The following IL1RAPL1 variants were observed in gnomAD, a reference collection of about 807,000 sequenced individuals.
The protein encoded by IL1RAPL1 is interleukin-1 receptor accessory protein-like 1.
Under a neutral mutation model 48.4 loss-of-function variants are expected in IL1RAPL1, and 3 were observed. The observed-to-expected ratio is 0.06, with a 90% CI of 0.03 to 0.16. The LOEUF is 0.16. Among genes scored for constraint, IL1RAPL1 ranks in the 10% least tolerant of loss-of-function variants. IL1RAPL1 has a pLI of 1.00. For synonymous variants in IL1RAPL1, 185 were observed against 187.7 expected (o/e 0.99, Z 0.12); for missense variants, 349 against 530.6 (o/e 0.66, Z 3.36).
intron 5 of IL1RAPL1, among the ~76,000 whole-genome samples, chrX:29,531,995 T>G (rs1234395791): frequency 8.9e-6 from 1 of 112,336 alleles, no homozygotes; most frequent in African/African-American, 3.2e-5. Flanking sequence ...CATTCTGATG[T>G]TCTTGGAATT....
chrX:29,362,151 A>G (rs1381954194), intron 3 of IL1RAPL1, among the ~76,000 whole-genome samples: 1 of 112,556 alleles, frequency 8.9e-6, no homozygotes, highest in African/African-American at 3.2e-5. Context: ...TAATGCATCA[A>G]TTGTGCTTGA....
At chrX:29,677,859 A>G (rs1196301272) in intron 6 of IL1RAPL1, among the ~76,000 whole-genome samples, 3 of 112,164 alleles carry the variant, frequency 2.7e-5, no homozygotes, top group Admixed American at 1.9e-4. Context: ...CTCATGTCCA[A>G]TTATGACAAA....
chrX:29,340,259 A>G, intron 3 of IL1RAPL1, among the ~76,000 whole-genome samples: 1 of 111,358 alleles, frequency 9.0e-6, no homozygotes, highest in Middle Eastern at 4.7e-3. Flanking sequence ...GGCAACTACC[A>G]TCTCTATCTA....
chrX:28,917,144 G>A, intron 2 of IL1RAPL1, among the ~76,000 whole-genome samples: 1 of 111,093 alleles, frequency 9.0e-6, no homozygotes, highest in Non-Finnish European at 1.9e-5. Flanking sequence ...ATTTTAACTG[G>A]GACTTCATTG....
chrX:29,212,024 CA>C (rs2147542609), intron 2 of IL1RAPL1, among the ~76,000 whole-genome samples: 1 of 111,200 alleles, frequency 9.0e-6, no homozygotes, highest in African/African-American at 3.3e-5. Flanking sequence ...TGCTACTCAA[CA>C]TCTCTAACAG....
chrX:29,388,501 A>G (rs763234712), intron 3 of IL1RAPL1, among the ~76,000 whole-genome samples: 63 of 112,469 alleles, frequency 5.6e-4, no homozygotes, highest in Non-Finnish European at 9.9e-4. Context: ...CATTATTCAC[A>G]ATAGCTAAAA....
chrX:29,153,469 G>A (rs1043047422), intron 2 of IL1RAPL1, among the ~76,000 whole-genome samples: 6 of 111,631 alleles, frequency 5.4e-5, no homozygotes, highest in Non-Finnish European at 9.4e-5. Flanking sequence ...CCCTTATCTC[G>A]TAAAATATTC....
At chrX:29,430,310 T>G (rs1166580480) in intron 5 of IL1RAPL1, among the ~76,000 whole-genome samples, 1 of 111,229 alleles carries the variant, frequency 9.0e-6, no homozygotes, top group Non-Finnish European at 1.9e-5. Flanking sequence ...TGTGGAGTAG[T>G]CACTGCATCC....
At chrX:29,469,937 A>T (rs1008936701) in intron 5 of IL1RAPL1, among the ~76,000 whole-genome samples, 3 of 112,118 alleles carry the variant, frequency 2.7e-5, no homozygotes, top group African/African-American at 9.7e-5. Context: ...AGAAGACTGT[A>T]AAGCTGAATT....
intron 1 of IL1RAPL1, among the ~76,000 whole-genome samples, chrX:28,612,189 C>T (rs1030770094): frequency 3.6e-5 from 4 of 111,810 alleles, no homozygotes; most frequent in African/African-American, 9.8e-5. Flanking sequence ...CTCACCCTGG[C>T]TCTGTCCTGC....
At chrX:28,723,799 G>T (rs776519219) in intron 1 of IL1RAPL1, among the ~76,000 whole-genome samples, 89 of 111,635 alleles carry the variant, frequency 8.0e-4, no homozygotes, top group Non-Finnish European at 9.6e-4. Flanking sequence ...TTGTGTCTTT[G>T]TTCTCATTGG....
chrX:28,737,161 C>T (rs753969877), intron 1 of IL1RAPL1, among the ~76,000 whole-genome samples: 2,604 of 72,377 alleles, frequency 0.036, 124 homozygotes, highest in African/African-American at 0.045. Context: ...TTCCTTCCTT[C>T]CTTCCTTCCT....
chrX:29,565,479 C>G (rs1014148435), intron 5 of IL1RAPL1, among the ~76,000 whole-genome samples: 24 of 111,533 alleles, frequency 2.2e-4, no homozygotes, highest in Middle Eastern at 4.8e-3. Flanking sequence ...AACAAATGAC[C>G]TAATAGAAAA....
intron 3 of IL1RAPL1, among the ~76,000 whole-genome samples, chrX:29,339,198 CAT>C (rs1389060513): frequency 1.8e-5 from 2 of 110,974 alleles, no homozygotes; most frequent in Admixed American, 9.6e-5. Context: ...GGCAACTTGA[CAT>C]ATTGGAAAAA....
intron 5 of IL1RAPL1, among the ~76,000 whole-genome samples, chrX:29,616,931 A>G (rs1288199611): frequency 1.8e-5 from 2 of 111,449 alleles, no homozygotes; most frequent in African/African-American, 6.5e-5. Flanking sequence ...AAGTTTACTC[A>G]TTAATTGTAT....
chrX:29,864,409 G>A (rs1035238134), intron 6 of IL1RAPL1, among the ~76,000 whole-genome samples: 12 of 111,834 alleles, frequency 1.1e-4, no homozygotes, highest in African/African-American at 3.9e-4. Context: ...TCTTTATCTC[G>A]GAGCTACAAA....
chrX:29,654,323 T>G (rs1271374605), intron 5 of IL1RAPL1, among the ~76,000 whole-genome samples: 1 of 111,455 alleles, frequency 9.0e-6, no homozygotes, highest in Admixed American at 9.6e-5. Flanking sequence ...AAGTTGAATA[T>G]ATTAATATAC....
intron 1 of IL1RAPL1, among the ~76,000 whole-genome samples, chrX:28,595,910 G>T (rs1259407795): frequency 1.8e-5 from 2 of 111,272 alleles, no homozygotes; most frequent in Non-Finnish European, 3.8e-5. Context: ...GCATTCAAGG[G>T]ATCTCTAGGG....
At chrX:29,351,077 T>A (rs1440580724) in intron 3 of IL1RAPL1, among the ~76,000 whole-genome samples, 1 of 111,623 alleles carries the variant, frequency 9.0e-6, no homozygotes, top group African/African-American at 3.3e-5. Flanking sequence ...GCTAAGACAT[T>A]GTTGATGATG....
Sources: allele counts gnomAD v4.1 joint callset (sites outside exome capture counted in the v4.1 genomes callset), GRCh38; gene constraint gnomAD v4.1.1; transcripts MANE v1.5; gene names NCBI Gene and HGNC (gene_info 2026-07-23, HGNC 2026-07-21).